Variants in BICC1 observed in about 807,000 individuals in gnomAD.
BICC1 encodes the protein protein bicaudal C homolog 1.
BICC1 carries 43 observed loss-of-function variants against 111.0 expected under a neutral mutation model. The observed-to-expected ratio is 0.39, with a 90% confidence interval of 0.30 to 0.50. The LOEUF (loss-of-function observed/expected upper bound fraction) is 0.50. BICC1 is among the 20% of genes least tolerant of loss of function. The pLI is 0.88. For synonymous variants in BICC1, 467 were observed against 434.4 expected (o/e 1.07, Z -0.93); for missense variants, 1,091 against 1,203.2 (o/e 0.91, Z 1.38).
At chr10:58,667,116 GA>G (rs879872538) in intron 2 of BICC1, among the ~76,000 whole-genome samples, 7 of 152,014 alleles carry the variant, frequency 4.6e-5, no homozygotes, top group Non-Finnish European at 1.0e-4. Flanking sequence ...ACCAAACTAG[GA>G]TTTCATTTTA....
intron 3 of BICC1, among the ~76,000 whole-genome samples, chr10:58,738,871 A>C (rs1841561689): frequency 6.6e-6 from 1 of 152,020 alleles, no homozygotes; most frequent in Non-Finnish European, 1.5e-5. Flanking sequence ...GAGTTCACTC[A>C]TGATTTGGCT....
intron 1 of BICC1, among the ~76,000 whole-genome samples, chr10:58,551,979 T>C (rs1554805147): frequency 6.6e-6 from 1 of 151,908 alleles, no homozygotes. Context: ...GGGGATAGAC[T>C]CTCCCTTCTT....
At chr10:58,563,365 C>T (rs182827703) in intron 1 of BICC1, among the ~76,000 whole-genome samples, 38 of 152,244 alleles carry the variant, frequency 2.5e-4, no homozygotes, top group Non-Finnish European at 4.7e-4. Flanking sequence ...CCGCTTAGTC[C>T]TCTGTGAGGA....
At chr10:58,701,814 A>T (rs868640018) in intron 2 of BICC1, among the ~76,000 whole-genome samples, 3 of 152,136 alleles carry the variant, frequency 2.0e-5, no homozygotes, top group South Asian at 4.1e-4. Flanking sequence ...GTTTGTGTCT[A>T]TGTTAAAATT....
At chr10:58,655,467 T>C (rs1248346427) in intron 2 of BICC1, among the ~76,000 whole-genome samples, 1 of 46,940 alleles carries the variant, frequency 2.1e-5, no homozygotes, top group African/African-American at 6.8e-5. Context: ...AGTTCACTCA[T>C]GATTTGGCTC....
chr10:58,569,567 G>T (rs1241204851), intron 1 of BICC1, among the ~76,000 whole-genome samples: 1 of 152,050 alleles, frequency 6.6e-6, no homozygotes, highest in Admixed American at 6.6e-5. Flanking sequence ...GCAGGTCCCA[G>T]TGTGTGATGT....
chr10:58,772,288 T>TA (rs929891746), intron 3 of BICC1, among the ~76,000 whole-genome samples: 5 of 151,750 alleles, frequency 3.3e-5, no homozygotes, highest in South Asian at 2.1e-4. Context: ...GATTTTTTTT[T>TA]AAAAAAAGAG....
intron 3 of BICC1, among the ~76,000 whole-genome samples, chr10:58,714,839 A>G (rs538467845): frequency 2.6e-5 from 4 of 151,732 alleles, no homozygotes; most frequent in Admixed American, 2.0e-4. Context: ...TGTAAACAAT[A>G]TTGAAGACAC....
intron 3 of BICC1, among the ~76,000 whole-genome samples, chr10:58,726,668 C>G (rs1255343915): frequency 6.6e-6 from 1 of 152,196 alleles, no homozygotes; most frequent in East Asian, 1.9e-4. Flanking sequence ...CTCCATCCAT[C>G]CTGTGTCTGT....
intron 1 of BICC1, among the ~76,000 whole-genome samples, chr10:58,563,406 G>A (rs1843665635): frequency 2.0e-5 from 3 of 152,156 alleles, no homozygotes; most frequent in South Asian, 2.1e-4. Flanking sequence ...AAGCATTGCA[G>A]GCATCCATGG....
intron 14 of BICC1, 105 bp downstream of exon 14, chr10:58,801,151 T>TGAAA: frequency 1.0e-6 from 1 of 990,326 alleles, no homozygotes; most frequent in Non-Finnish European, 1.4e-6. Context: ...TTTGATCTCA[T>TGAAA]CCATGGGTGT....
At chr10:58,687,383 A>G (rs1461212267) in intron 2 of BICC1, among the ~76,000 whole-genome samples, 1 of 152,200 alleles carries the variant, frequency 6.6e-6, no homozygotes, top group Non-Finnish European at 1.5e-5. Context: ...GAGAACCACT[A>G]CTGTCTTCAA....
At chr10:58,513,879 G>T (rs1455093084) in intron 1 of BICC1, among the ~76,000 whole-genome samples, 1 of 152,224 alleles carries the variant, frequency 6.6e-6, no homozygotes, top group Non-Finnish European at 1.5e-5. Context: ...AGGAGGGCCA[G>T]GATCGGGGTG....
chr10:58,556,955 T>C (rs2131935604), intron 1 of BICC1, among the ~76,000 whole-genome samples: 1 of 152,178 alleles, frequency 6.6e-6, no homozygotes, highest in East Asian at 1.9e-4. Flanking sequence ...GATGTCTACA[T>C]TCTCATTCCA....
At chr10:58,802,265 C>A (rs913747062) in intron 14 of BICC1, among the ~76,000 whole-genome samples, 6 of 152,196 alleles carry the variant, frequency 3.9e-5, no homozygotes, top group Admixed American at 1.3e-4. Context: ...CCTCTGTCAA[C>A]TTTTGTCAAG....
rs115293257 is a variant in BICC1, at chr10:58,664,583, C to T, written c.238-37491C>T. ...ACATTGATAATATTTTTCATTAGAT[C>T]CTTATATTAATTGTAGTTATTTTAA... On this transcript the variant is annotated intron_variant, in intron 2 of 20. Transcript: ENST00000373886. Among the ~76,000 whole-genome samples the T allele has an allele frequency of 4.5e-3, 678 of 152,004 alleles. 13 individuals carry two copies. The highest frequency in any genetic ancestry group is 0.016 in the African/African-American group (644 of 41,468).
rs1564563131 is a variant in BICC1 at position 58,701,690 on chromosome 10, A to AATACACGATTTGG, written c.238-384_238-383insATACACGATTTGG. ...CATGCAGTTTTGTATTACAGGAATC[A>AATACACGATTTGG]TGTTTGGTGTGTTGCAATCCCTTGG... On this transcript the variant is annotated intron_variant, in intron 2 of 20. Coordinates refer to ENST00000373886, the MANE Select transcript of BICC1 (RefSeq NM_001080512.3). Among the ~76,000 whole-genome samples the AATACACGATTTGG allele has an allele frequency of 3.3e-5, 5 of 152,120 alleles. No individual in the cohort carries two copies. In the East Asian group the frequency reaches 9.6e-4, roughly 29 times the overall value.
chr10:58,646,398 TA>T (rs1326286131), intron 2 of BICC1, among the ~76,000 whole-genome samples: 1 of 152,212 alleles, frequency 6.6e-6, no homozygotes, highest in African/African-American at 2.4e-5. Context: ...TTGTTTGGGC[TA>T]AAAGTCTCCA....
intron 2 of BICC1, among the ~76,000 whole-genome samples, chr10:58,696,414 A>T (rs1195600865): frequency 6.6e-6 from 1 of 152,158 alleles, no homozygotes; most frequent in African/African-American, 2.4e-5. Flanking sequence ...TCTTTGGGCA[A>T]GCCCTTTTTT....
Sources: allele counts gnomAD v4.1 joint callset (sites outside exome capture counted in the v4.1 genomes callset), GRCh38; gene constraint gnomAD v4.1.1; transcripts MANE v1.5; gene names NCBI Gene and HGNC (gene_info 2026-07-23, HGNC 2026-07-21).